CNOT9: variants seen among roughly 807,000 people sequenced by gnomAD.
The protein encoded by CNOT9 is CCR4-NOT transcription complex subunit 9, also known as RCD1 required for cell differentiation1 homolog.
In CNOT9, 8 loss-of-function variants were observed where a neutral mutation model predicts 37.4. The observed-to-expected ratio is 0.21, with a 90% CI of 0.13 to 0.39. CNOT9 has a LOEUF of 0.39. CNOT9 is among the 10% of genes least tolerant of loss of function. CNOT9 has a pLI of 1.00. For synonymous variants in CNOT9, 120 were observed against 137.6 expected, an observed-to-expected ratio of 0.87 and a Z score of 0.90; for missense variants, 154 against 365.3, an observed-to-expected ratio of 0.42 and a Z score of 4.71.
rs1208043338 is a variant in CNOT9 at position 218,569,103 on chromosome 2, C to G, written c.24+125C>G. On this transcript the variant is annotated intron_variant, in intron 1 of 7. Coordinates refer to ENST00000273064, the MANE Select transcript of CNOT9 (RefSeq NM_005444.3). ...TTTTTCTGCCCTCAATCTCCAAGGC[C>G]CCGGTTCCCCTCCTCGGCACGCTTT... The G allele has an allele frequency of 4.0e-6, 4 of 1,001,112 alleles. No individual in the cohort carries two copies. The Admixed American group carries it at 9.7e-5, about 24-fold the overall frequency. The allele number at this position is 1,001,112 out of a possible 1,614,324, so 62.0% of individuals were successfully genotyped here. A position where few individuals can be genotyped will look rare whatever the true frequency, so the allele number is the denominator to read the frequency against.
intron 3 of CNOT9, 145 bp downstream of exon 3, chr2:218,583,231 GTGTCTCTC>G (rs1694472864): frequency 4.0e-4 from 14 of 35,062 alleles, no homozygotes; most frequent in East Asian, 1.2e-3. Context: ...GTGTGTGTGT[GTGTCTCTC>G]TCTCTCTCTC....
chr2:218,592,730 G>C lies in CNOT9; in HGVS notation c.731+23G>C. 3.8e-6 allele frequency: 6 copies of C among 1,573,514 alleles called. No homozygotes were observed. Among genetic ancestry groups the C allele is most frequent in the African/African-American group, 1.3e-5 (1 of 74,200 alleles). On this transcript the variant is annotated intron_variant, in intron 7 of 7. Coordinates refer to ENST00000273064, the MANE Select transcript of CNOT9 (RefSeq NM_005444.3). The surrounding 1 kb of genome is among the most constrained non-coding windows in gnomAD (Gnocchi z 4.1). ...CAGGTAAACATTTATAGGATGTATA[G>C]GACTTTAGGGAAATACTCTGCTGAA...
At chr2:218,590,007 C>T (rs1166089312) in intron 5 of CNOT9, among the ~76,000 whole-genome samples, 1 of 151,622 alleles carries the variant, frequency 6.6e-6, no homozygotes, top group Non-Finnish European at 1.5e-5. Flanking sequence ...GGGAAAGGTA[C>T]AAGGGAATGC....
At chr2:218,571,979 A>G (rs1306880972) in intron 1 of CNOT9, among the ~76,000 whole-genome samples, 2 of 152,034 alleles carry the variant, frequency 1.3e-5, no homozygotes, top group Admixed American at 6.6e-5. Flanking sequence ...TCCTCTAATA[A>G]ATAAGGACAG....
chr2:218,596,199 G>A lies in CNOT9; in HGVS notation c.*1923G>A, dbSNP rs753452778. The A allele has an allele frequency of 5.3e-5, 8 of 152,008 alleles. No individual in the cohort carries two copies. Among genetic ancestry groups the A allele is most frequent in the African/African-American group, 7.3e-5 (3 of 41,370 alleles). 9.4% of individuals were successfully genotyped at this position (152,008 alleles called of 1,614,324 possible). On this transcript the variant is annotated 3_prime_UTR_variant, in exon 8 of 8. Transcript: ENST00000273064. The stretch of plus-strand genomic sequence containing the variant: ...GGAAATTCTCTTCTCTCCATCTTTC[G>A]GTGCATTGGCCATGTTACTGTGCCA...
chr2:218,593,481 CTT>C, intron 7 of CNOT9: 1 of 1,211,436 alleles, frequency 8.3e-7, no homozygotes, highest in Non-Finnish European at 1.1e-6. Context: ...AAAACTATAA[CTT>C]TGTTTAAAAT....
At chr2:218,586,180 A>C (rs1445282409) in intron 4 of CNOT9, among the ~76,000 whole-genome samples, 2 of 152,146 alleles carry the variant, frequency 1.3e-5, no homozygotes, top group Admixed American at 6.6e-5. Flanking sequence ...TCCCAGCAGC[A>C]CTTTTTTTAG....
intron 1 of CNOT9, among the ~76,000 whole-genome samples, chr2:218,578,668 C>T (rs1250324829): frequency 6.6e-6 from 1 of 151,806 alleles, no homozygotes; most frequent in Non-Finnish European, 1.5e-5. Context: ...CCTCCCGCTC[C>T]TTCTTTTATT....
chr2:218,591,088 C>G (rs921109501), intron 5 of CNOT9, among the ~76,000 whole-genome samples: 1 of 152,122 alleles, frequency 6.6e-6, no homozygotes, highest in African/African-American at 2.4e-5. Flanking sequence ...AACTTAATCA[C>G]GTCTGCAAAG....
At chr2:218,591,978 C>CT (rs1407766548) in intron 5 of CNOT9, among the ~76,000 whole-genome samples, 4 of 152,134 alleles carry the variant, frequency 2.6e-5, no homozygotes, top group Middle Eastern at 3.4e-3. Flanking sequence ...GAGAAGGTCT[C>CT]TGAGTTTTTA....
intron 1 of CNOT9, among the ~76,000 whole-genome samples, chr2:218,571,841 C>T (rs1559241821): frequency 6.6e-6 from 1 of 150,606 alleles, no homozygotes; most frequent in Non-Finnish European, 1.5e-5. Context: ...CGCCTCAGCC[C>T]CCAAAGTGCT....
At chr2:218,581,170 CTTTTTTT>C in intron 2 of CNOT9, 1 of 245,730 alleles carries the variant, frequency 4.1e-6, no homozygotes, top group South Asian at 3.6e-5. Flanking sequence ...GTTTGTTTTT[CTTTTTTT>C]TTTTTTTTTG....
At chr2:218,577,300 G>A (rs1000113410) in intron 1 of CNOT9, among the ~76,000 whole-genome samples, 1 of 152,104 alleles carries the variant, frequency 6.6e-6, no homozygotes, top group Non-Finnish European at 1.5e-5. Flanking sequence ...TAAATTGGGG[G>A]TGAAATGCAA....
At chr2:218,580,159 G>T (rs1253319950) in intron 1 of CNOT9, among the ~76,000 whole-genome samples, 1 of 151,926 alleles carries the variant, frequency 6.6e-6, no homozygotes, top group Non-Finnish European at 1.5e-5. Context: ...AGTAGAGACG[G>T]GGTTTCGCCA....
chr2:218,591,760 GAAAA>G (rs1415623636), intron 5 of CNOT9, among the ~76,000 whole-genome samples: 2 of 151,168 alleles, frequency 1.3e-5, no homozygotes, highest in Admixed American at 6.6e-5. Context: ...AAAAAGAAAA[GAAAA>G]AAGAAAGAAA....
At chr2:218,587,556 A>C (rs758497738) in intron 4 of CNOT9, 30 bp from the exon 5 acceptor site, 4 of 1,552,838 alleles carry the variant, frequency 2.6e-6, no homozygotes, top group African/African-American at 1.4e-5. Flanking sequence ...CTAACTGTAA[A>C]ATAATTTTGT....
At chr2:218,582,842 G>A in intron 2 of CNOT9, 129 bp from the exon 3 acceptor site, 1 of 617,252 alleles carries the variant, frequency 1.6e-6, no homozygotes, top group South Asian at 2.0e-5. Flanking sequence ...CCTCTTTGAT[G>A]ACTGAGTTCT....
intron 1 of CNOT9, among the ~76,000 whole-genome samples, chr2:218,578,520 A>T (rs1036106010): frequency 6.6e-6 from 1 of 152,246 alleles, no homozygotes; most frequent in African/African-American, 2.4e-5. Flanking sequence ...ACTTATAAGT[A>T]CTGTGAGAAA....
At chr2:218,589,770 G>C (rs1694714839) in intron 5 of CNOT9, among the ~76,000 whole-genome samples, 2 of 152,200 alleles carry the variant, frequency 1.3e-5, no homozygotes, top group African/African-American at 4.8e-5. Flanking sequence ...CCTCTCTGGA[G>C]TAGGTAGCTT....
Sources: allele counts gnomAD v4.1 joint callset (sites outside exome capture counted in the v4.1 genomes callset), GRCh38; gene constraint gnomAD v4.1.1; non-coding constraint Gnocchi (gnomAD v3.1); transcripts MANE v1.5; gene names NCBI Gene and HGNC (gene_info 2026-07-23, HGNC 2026-07-21).